The following CAPZB variants were observed in gnomAD, a reference collection of about 807,000 sequenced individuals.
CAPZB encodes the protein capping actin protein of muscle Z-line subunit beta, also known as F-actin-capping protein subunit beta.
CAPZB carries 2 observed loss-of-function variants against 38.1 expected under a neutral mutation model. The observed-to-expected ratio is 0.05, with a 90% CI of 0.02 to 0.17. The LOEUF is 0.17. Ranked by LOEUF, CAPZB falls within the 10% of genes least tolerant of loss-of-function variation. The pLI is 1.00. For missense variants in CAPZB, 161 were observed against 334.2 expected (o/e 0.48, Z 4.04); for synonymous variants, 107 against 127.4 (o/e 0.84, Z 1.08).
At chr1:19,396,413 G>A (rs181896455) in intron 2 of CAPZB, among the ~76,000 whole-genome samples, 43 of 152,286 alleles carry the variant, frequency 2.8e-4, no homozygotes, top group African/African-American at 8.9e-4. Context: ...GAAACTTGAC[G>A]TGGATGGCAT....
chr1:19,400,513 G>A (rs1222501449), intron 2 of CAPZB, among the ~76,000 whole-genome samples: 3 of 152,334 alleles, frequency 2.0e-5, no homozygotes, highest in East Asian at 1.9e-4. Context: ...TGCCAACCGC[G>A]AGATGTTGGC....
intron 1 of CAPZB, among the ~76,000 whole-genome samples, chr1:19,461,647 C>A (rs761981967): frequency 5.9e-5 from 9 of 152,204 alleles, no homozygotes; most frequent in Non-Finnish European, 1.5e-5. Flanking sequence ...GGAACTTTTA[C>A]TTAAAATAAG....
chr1:19,440,407 T>C (rs1391841725), intron 1 of CAPZB, among the ~76,000 whole-genome samples: 1 of 152,220 alleles, frequency 6.6e-6, no homozygotes, highest in Non-Finnish European at 1.5e-5. Context: ...AACAATTTTT[T>C]ATTTTTATTT....
At chr1:19,391,358 T>TA (rs1172432935) in intron 2 of CAPZB, among the ~76,000 whole-genome samples, 7 of 152,304 alleles carry the variant, frequency 4.6e-5, no homozygotes, top group African/African-American at 1.4e-4. Context: ...CTCGGTTTTT[T>TA]AAAAAATGGC....
chr1:19,341,395 GGGAA>G (rs1183938687), intron 8 of CAPZB, among the ~76,000 whole-genome samples: 1 of 152,190 alleles, frequency 6.6e-6, no homozygotes, highest in Non-Finnish European at 1.5e-5. Context: ...TGGCTCTTCT[GGGAA>G]GGAAGAGCCA....
intron 1 of CAPZB, among the ~76,000 whole-genome samples, chr1:19,463,620 G>A (rs964999094): frequency 1.3e-5 from 2 of 152,160 alleles, no homozygotes; most frequent in African/African-American, 4.8e-5. Flanking sequence ...TGGGCCAGTG[G>A]CCACCATGCC....
chr1:19,461,946 C>A (rs560239312), intron 1 of CAPZB, among the ~76,000 whole-genome samples: 13 of 152,262 alleles, frequency 8.5e-5, no homozygotes, highest in Admixed American at 8.5e-4. Context: ...TGGCACACAG[C>A]AATGAATAAA....
At chr1:19,347,404 C>T (rs1489592826) in intron 6 of CAPZB, among the ~76,000 whole-genome samples, 3 of 152,152 alleles carry the variant, frequency 2.0e-5, no homozygotes, top group Admixed American at 2.0e-4. Context: ...TTCCCATCTA[C>T]CATCCTGCAC....
intron 1 of CAPZB, among the ~76,000 whole-genome samples, chr1:19,472,820 C>T (rs1453397000): frequency 6.6e-6 from 1 of 150,474 alleles, no homozygotes; most frequent in Admixed American, 6.6e-5. Flanking sequence ...TGGGTTCACG[C>T]CATTCTCCTG....
intron 1 of CAPZB, among the ~76,000 whole-genome samples, chr1:19,430,971 T>C (rs1016673372): frequency 6.6e-6 from 1 of 152,202 alleles, no homozygotes; most frequent in Admixed American, 6.5e-5. Flanking sequence ...CATTTTCTCT[T>C]GGGTGTGCAT....
chr1:19,444,091 G>C (rs552318384), intron 1 of CAPZB, among the ~76,000 whole-genome samples: 1 of 152,274 alleles, frequency 6.6e-6, no homozygotes, highest in African/African-American at 2.4e-5. Context: ...CTGGGAGGCA[G>C]AGGTTGCAGG....
At chr1:19,407,674 T>C (rs12125805) in intron 2 of CAPZB, among the ~76,000 whole-genome samples, 5,820 of 152,210 alleles carry the variant, frequency 0.038, 130 homozygotes, top group African/African-American at 0.049. Flanking sequence ...TGGCTTGTCC[T>C]TGGACACTGA....
At chr1:19,345,095 C>T in intron 7 of CAPZB, 92 bp downstream of exon 7, 1 of 951,628 alleles carries the variant, frequency 1.1e-6, no homozygotes, top group Non-Finnish European at 1.7e-6. Context: ...TGAGAGAAAG[C>T]AGCAGAGAAG....
At chr1:19,472,037 CCATGGG>C (rs1028936318) in intron 1 of CAPZB, among the ~76,000 whole-genome samples, 99 of 152,288 alleles carry the variant, frequency 6.5e-4, no homozygotes, top group African/African-American at 2.3e-3. Context: ...AGCTCAGAAA[CCATGGG>C]CCATCAGCAC....
intron 2 of CAPZB, among the ~76,000 whole-genome samples, chr1:19,415,939 T>G (rs1243089100): frequency 6.6e-6 from 1 of 152,198 alleles, no homozygotes; most frequent in Non-Finnish European, 1.5e-5. Context: ...ATACTTCAAT[T>G]AAAAAATTAA....
intron 2 of CAPZB, among the ~76,000 whole-genome samples, chr1:19,399,400 G>C (rs2094290977): frequency 6.6e-6 from 1 of 152,170 alleles, no homozygotes; most frequent in Non-Finnish European, 1.5e-5. Context: ...AAGTGACCCT[G>C]GGTGTCAGGA....
At chr1:19,452,026 T>G (rs2094517881) in intron 1 of CAPZB, among the ~76,000 whole-genome samples, 1 of 152,028 alleles carries the variant, frequency 6.6e-6, no homozygotes. Context: ...CCACAGTGAT[T>G]GCCCTACACC....
intron 3 of CAPZB, among the ~76,000 whole-genome samples, chr1:19,381,115 G>A (rs2094171995): frequency 6.6e-6 from 1 of 152,104 alleles, no homozygotes. Context: ...GCTGCAGTGA[G>A]CTGAGATCGC....
intron 2 of CAPZB, among the ~76,000 whole-genome samples, chr1:19,410,890 AC>A (rs1410919209): frequency 6.6e-6 from 1 of 152,120 alleles, no homozygotes; most frequent in African/African-American, 2.4e-5. Context: ...AGCACGCATC[AC>A]CTATCAGGTC....
Sources: gnomAD v4.1 joint callset for allele counts (sites outside exome capture counted in the v4.1 genomes callset) on GRCh38, gnomAD v4.1.1 for gene constraint, MANE v1.5 for transcripts, NCBI Gene and HGNC (gene_info 2026-07-23, HGNC 2026-07-21) for gene names.